The following CFLAR variants were observed in gnomAD, a reference collection of about 807,000 sequenced individuals.
CFLAR encodes CASP8 and FADD-like apoptosis regulator.
CFLAR carries 14 observed loss-of-function variants against 51.1 expected under a neutral mutation model. The observed-to-expected ratio is 0.27, with a 90% CI of 0.18 to 0.43. The LOEUF (loss-of-function observed/expected upper bound fraction) is 0.43, where lower values mean the gene tolerates loss of function less well. Ranked by LOEUF, CFLAR falls within the 20% of genes least tolerant of loss-of-function variation. CFLAR has a pLI of 1.00. For synonymous variants in CFLAR, 210 were observed against 211.6 expected (o/e 0.99, Z 0.06); for missense variants, 390 against 566.5 (o/e 0.69, Z 3.16).
rs895463121 is a variant in CFLAR, at chr2:201,155,217, A to T, written c.794-5215A>T. On this transcript the variant is annotated intron_variant, in intron 8 of 9. Coordinates refer to ENST00000309955, the MANE Select transcript of CFLAR (RefSeq NM_003879.7). Reference sequence around the variant, plus strand: ...TGGCCTAAAGCTCTGGTTGTTTTTAAGGCCCTTGAATAAAAATAAAAGACG... The same window carrying T: ...TGGCCTAAAGCTCTGGTTGTTTTTATGGCCCTTGAATAAAAATAAAAGACG... 7.2e-5 allele frequency among the ~76,000 whole-genome samples: 11 copies of T among 152,206 alleles called. No individual in the cohort carries two copies. In the South Asian group the frequency reaches 2.3e-3, roughly 32 times the overall value.
chr2:201,139,993 G>A (rs1356187780), intron 4 of CFLAR: 1 of 285,898 alleles, frequency 3.5e-6, no homozygotes. Flanking sequence ...CCTCGACCAC[G>A]TAGCCGGTGC....
rs1456410444 is a variant in CFLAR at position 201,176,198 on chromosome 2, T to C, written c.*12225T>C. 1 of 150,048 alleles carries C rather than the reference T, an allele frequency of 6.7e-6. No individual in the cohort carries two copies. The highest frequency in any genetic ancestry group is 2.5e-5 in the African/African-American group (1 of 40,794). 9.3% of individuals were successfully genotyped at this position (150,048 alleles called of 1,614,324 possible). A position where few individuals can be genotyped will look rare whatever the true frequency, so the allele number is the denominator to read the frequency against. On this transcript the variant is annotated 3_prime_UTR_variant, in exon 10 of 10. Coordinates refer to ENST00000309955, the MANE Select transcript of CFLAR (RefSeq NM_003879.7). ...CTTGGGGTTTTATATGCTGGCATACTTCCGGGATCTTGTGTTACTTTTCCC... is the reference window on the plus strand; with the variant it reads ...CTTGGGGTTTTATATGCTGGCATACCTCCGGGATCTTGTGTTACTTTTCCC...
intron 8 of CFLAR, among the ~76,000 whole-genome samples, chr2:201,152,166 T>C (rs1044895222): frequency 4.6e-5 from 7 of 152,060 alleles, no homozygotes; most frequent in African/African-American, 1.7e-4. Context: ...GCTAATTTTT[T>C]GTATTTTTAG....
intron 1 of CFLAR, among the ~76,000 whole-genome samples, chr2:201,119,839 GTTTTTT>G (rs35011582): frequency 1.7e-5 from 2 of 120,778 alleles, no homozygotes; most frequent in Non-Finnish European, 3.6e-5. Flanking sequence ...TCAGTTTAAT[GTTTTTT>G]TTTTTTTTTT....
At chr2:201,122,219 C>T (rs1438747268) in intron 1 of CFLAR, among the ~76,000 whole-genome samples, 3 of 152,142 alleles carry the variant, frequency 2.0e-5, no homozygotes, top group Non-Finnish European at 1.5e-5. Context: ...TTGTATTCTC[C>T]CCACTCACAA....
intron 8 of CFLAR, among the ~76,000 whole-genome samples, chr2:201,154,801 A>G (rs566393848): frequency 1.3e-5 from 2 of 152,390 alleles, no homozygotes; most frequent in South Asian, 4.1e-4. Flanking sequence ...TTGTTTGTCC[A>G]GTAAATGTTC....
chr2:201,151,220 AGTT>A (rs1012339292), intron 8 of CFLAR: 2 of 152,232 alleles, frequency 1.3e-5, no homozygotes, highest in East Asian at 1.9e-4. Context: ...TCTTTTGCTC[AGTT>A]GTTGTTGGAT....
chr2:201,123,942 A>G (rs1393327296), intron 1 of CFLAR, among the ~76,000 whole-genome samples: 1 of 152,200 alleles, frequency 6.6e-6, no homozygotes. Context: ...TCAGGTTTGC[A>G]TGCTGCTTTC....
At chr2:201,131,520 G>A (rs2049321685) in intron 2 of CFLAR, among the ~76,000 whole-genome samples, 1 of 152,190 alleles carries the variant, frequency 6.6e-6, no homozygotes, top group Admixed American at 6.5e-5. Flanking sequence ...ATAGGTGTGA[G>A]CCACCATGCC....
intron 6 of CFLAR, 151 bp downstream of exon 6, chr2:201,145,583 A>T: frequency 1.7e-6 from 1 of 594,788 alleles, no homozygotes; most frequent in East Asian, 2.8e-5. Flanking sequence ...CGATAGACTC[A>T]TTGGCATTTC....
At chr2:201,139,872 TTCTC>T (rs1039032066) in intron 4 of CFLAR, 5 of 153,820 alleles carry the variant, frequency 3.3e-5, no homozygotes, top group African/African-American at 9.6e-5. Context: ...CCTTTTTTCT[TTCTC>T]TATACTTTGC....
At chr2:201,149,657 C>A in intron 7 of CFLAR, 97 bp from the exon 8 acceptor site, 1 of 891,374 alleles carries the variant, frequency 1.1e-6, no homozygotes. Flanking sequence ...GACTCACCTG[C>A]CAAAGGAAAT....
chr2:201,151,805 G>GT (rs1941326444), intron 8 of CFLAR, among the ~76,000 whole-genome samples: 1 of 151,610 alleles, frequency 6.6e-6, no homozygotes, highest in South Asian at 2.1e-4. Flanking sequence ...GCTTGCTTCT[G>GT]TTGCTGGGTT....
chr2:201,128,244 G>A (rs1013529671), intron 1 of CFLAR, among the ~76,000 whole-genome samples: 1 of 152,140 alleles, frequency 6.6e-6, no homozygotes, highest in Non-Finnish European at 1.5e-5. Context: ...TTTCATGGAA[G>A]CTGATGATGA....
chr2:201,156,710 G>T (rs1302182692), intron 8 of CFLAR, among the ~76,000 whole-genome samples: 1 of 151,906 alleles, frequency 6.6e-6, no homozygotes, highest in Non-Finnish European at 1.5e-5. Flanking sequence ...AAGAACCCCT[G>T]CCCTTCCCCT....
At chr2:201,155,556 A>T (rs559683225) in intron 8 of CFLAR, among the ~76,000 whole-genome samples, 2 of 151,844 alleles carry the variant, frequency 1.3e-5, no homozygotes, top group South Asian at 2.1e-4. Flanking sequence ...GAGCCATCGC[A>T]CCTGGCCAAG....
chr2:201,158,739 G>A (rs1331849502), intron 8 of CFLAR, among the ~76,000 whole-genome samples: 2 of 151,926 alleles, frequency 1.3e-5, no homozygotes, highest in African/African-American at 4.8e-5. Flanking sequence ...TTTATAAAGG[G>A]TATACACATT....
rs183661337 is a variant in CFLAR, at chr2:201,136,523, G to A, written c.523+416G>A. The A allele has an allele frequency of 4.0e-5, 62 of 1,534,936 alleles. No homozygotes were observed. The African/African-American group carries it at 6.6e-4, about 16-fold the overall frequency. On this transcript the variant is annotated intron_variant, in intron 4 of 9. Coordinates refer to ENST00000309955, the MANE Select transcript of CFLAR (RefSeq NM_003879.7). ...CATACCTTCCTTGCATGTGTCCCAA[G>A]TTTCACAAAACCTCCTTATGGAAAA...
In CFLAR at chr2:201,168,711, G is replaced by A. The variant is rs1013978507; in HGVS notation, c.*4738G>A. ...TGCAGATGACATGATACTATATCTA[G>A]AAAACCCCATTATCTCCACCCAAAA... On this transcript the variant is annotated 3_prime_UTR_variant, in exon 10 of 10. Transcript: ENST00000309955. The A allele has an allele frequency of 1.3e-5, 2 of 152,094 alleles. No homozygotes were observed. Among genetic ancestry groups the A allele is most frequent in the African/African-American group, 4.8e-5 (2 of 41,392 alleles). The allele number at this position is 152,094 out of a possible 1,614,324, so 9.4% of individuals were successfully genotyped here.
Sources: gnomAD v4.1 joint callset for allele counts (sites outside exome capture counted in the v4.1 genomes callset) on GRCh38, gnomAD v4.1.1 for gene constraint, MANE v1.5 for transcripts, NCBI Gene and HGNC (gene_info 2026-07-23, HGNC 2026-07-21) for gene names.